ANKRD6: variants seen among roughly 807,000 people sequenced by gnomAD.
ANKRD6 encodes ankyrin repeat domain-containing protein 6.
ANKRD6 carries 56 observed loss-of-function variants against 82.3 expected under a neutral mutation model. The observed-to-expected ratio is 0.68, with a 90% CI of 0.55 to 0.85. The LOEUF is 0.85. Among genes scored for constraint, ANKRD6 ranks in the 40% least tolerant of loss-of-function variants. The probability of loss-of-function intolerance (pLI) is 0.00; values close to 1 mark genes in which losing one functional copy is unlikely to be tolerated. For synonymous variants in ANKRD6, 347 were observed against 352.1 expected (o/e 0.99, Z 0.16); for missense variants, 852 against 907.6 (o/e 0.94, Z 0.79).
chr6:89,560,771 C>G (rs796493353), intron 1 of ANKRD6: 5 of 141,938 alleles, frequency 3.5e-5, no homozygotes, highest in African/African-American at 9.8e-5. Context: ...TGCAGTGAGC[C>G]GAGATTGCGC....
At chr6:89,452,237 A>T (rs1772922598) in intron 1 of ANKRD6, among the ~76,000 whole-genome samples, 1 of 152,206 alleles carries the variant, frequency 6.6e-6, no homozygotes, top group Admixed American at 6.5e-5. Flanking sequence ...AGTAAATCGG[A>T]TGGAGTTAAT....
chr6:89,576,683 C>T (rs777791010), intron 2 of ANKRD6, among the ~76,000 whole-genome samples: 1 of 152,160 alleles, frequency 6.6e-6, no homozygotes, highest in Non-Finnish European at 1.5e-5. Flanking sequence ...TGCCTGCACT[C>T]CTATCCCTGA....
At chr6:89,540,085 A>G (rs117562849) in intron 1 of ANKRD6, among the ~76,000 whole-genome samples, 14,782 of 152,208 alleles carry the variant, frequency 0.097, 957 homozygotes, top group South Asian at 0.2. Context: ...ACAGTGCTGC[A>G]ACAAGCATAG....
At chr6:89,527,397 C>G (rs1419321941) in intron 1 of ANKRD6, among the ~76,000 whole-genome samples, 1 of 151,822 alleles carries the variant, frequency 6.6e-6, no homozygotes, top group Non-Finnish European at 1.5e-5. Context: ...AATTCGAGAC[C>G]AGCCTGGCCA....
In ANKRD6 at chr6:89,434,345, G is replaced by A. The variant is rs148162014; in HGVS notation, c.-144+970G>A. On this transcript the variant is annotated intron_variant, in intron 1 of 15. Coordinates refer to ENST00000339746, the MANE Select transcript of ANKRD6 (RefSeq NM_001242809.2). ...CCTGTTGGATGTTGAATTCATTCAT[G>A]CTTAGGTTCTGTTAGGCCAGTGTAA... Among the ~76,000 whole-genome samples the A allele has an allele frequency of 2.8e-3, 419 of 152,328 alleles. 1 individual carries two copies. The highest frequency in any genetic ancestry group is 5.6e-3 in the Admixed American group (85 of 15,310).
At chr6:89,473,442 T>G (rs1387099350) in intron 1 of ANKRD6, among the ~76,000 whole-genome samples, 7 of 151,916 alleles carry the variant, frequency 4.6e-5, no homozygotes, top group Non-Finnish European at 7.4e-5. Flanking sequence ...TAATTTTTAC[T>G]CTAAAGGTGT....
intron 1 of ANKRD6, among the ~76,000 whole-genome samples, chr6:89,436,199 C>T (rs1562495884): frequency 6.6e-6 from 1 of 152,092 alleles, no homozygotes; most frequent in Non-Finnish European, 1.5e-5. Flanking sequence ...AATTACTAAC[C>T]GTATGTGTGT....
intron 2 of ANKRD6, chr6:89,568,204 T>A (rs1361562754): frequency 1.3e-5 from 2 of 152,208 alleles, no homozygotes; most frequent in African/African-American, 4.8e-5. Context: ...CAATCACAAA[T>A]GGGAGAGAGT....
At chr6:89,513,448 T>G (rs73490511) in intron 1 of ANKRD6, among the ~76,000 whole-genome samples, 3,543 of 152,292 alleles carry the variant, frequency 0.023, 65 homozygotes, top group African/African-American at 0.052. Flanking sequence ...TGTTCTGAAT[T>G]CTATATAAGG....
In ANKRD6 at chr6:89,622,036, AGTCCTCCCGCC is replaced by A. The variant is rs1489242120; in HGVS notation, c.897+15_897+25del. The A allele has an allele frequency of 6.2e-7, 1 of 1,609,550 alleles. No individual in the cohort carries two copies. Among genetic ancestry groups the A allele is most frequent in the East Asian group, 2.2e-5 (1 of 44,864 alleles). ...GGTGGCCCAAAGCAAGGTGGGGGGC[AGTCCTCCCGCC>A]GTCCCCACATCCACCCATGCTCAGA... On this transcript the variant is annotated intron_variant, in intron 10 of 15. Transcript: ENST00000339746.
chr6:89,437,270 C>T (rs956266547), intron 1 of ANKRD6, among the ~76,000 whole-genome samples: 1 of 152,162 alleles, frequency 6.6e-6, no homozygotes, highest in Non-Finnish European at 1.5e-5. Flanking sequence ...ATCTTTCCCC[C>T]ACCAGTTACA....
At chr6:89,459,048 A>G (rs1773811225) in intron 1 of ANKRD6, among the ~76,000 whole-genome samples, 2 of 151,868 alleles carry the variant, frequency 1.3e-5, no homozygotes, top group South Asian at 4.2e-4. Flanking sequence ...TTCAGAGTTC[A>G]CCTTTTTTTT....
chr6:89,575,600 T>TA (rs901289177), intron 2 of ANKRD6, among the ~76,000 whole-genome samples: 10 of 151,596 alleles, frequency 6.6e-5, no homozygotes, highest in East Asian at 3.9e-4. Flanking sequence ...GTACTTTACT[T>TA]AAAAAAAAAT....
At chr6:89,616,364 A>G in intron 7 of ANKRD6, 195 bp from the exon 8 acceptor site, 2 of 581,682 alleles carry the variant, frequency 3.4e-6, no homozygotes, top group Non-Finnish European at 3.1e-6. Context: ...AAGAAAGGTG[A>G]TATTGGTGCC....
At position 89,524,247 on chromosome 6, in the gene ANKRD6, G is replaced by A. The variant is rs372679472; in HGVS notation, c.-143-42587G>A. Among the ~76,000 whole-genome samples the A allele has an allele frequency of 4.5e-4, 69 of 151,930 alleles. No homozygotes were observed. In the South Asian group the frequency reaches 0.011, roughly 25 times the overall value. ...TGATCCCTGAAATTTTGATGCACCC[G>A]TCACCCAAGCAGTATACACTGTACC... On this transcript the variant is annotated intron_variant, in intron 1 of 15. Transcript: ENST00000339746.
intron 2 of ANKRD6, among the ~76,000 whole-genome samples, chr6:89,576,740 A>G (rs575724382): frequency 6.6e-6 from 1 of 151,916 alleles, no homozygotes; most frequent in African/African-American, 2.4e-5. Flanking sequence ...TTCCTCCCCA[A>G]GGTGCCTTCT....
chr6:89,616,752 C>T (rs11965767), intron 8 of ANKRD6, 95 bp downstream of exon 8: 108,163 of 1,218,210 alleles, frequency 0.089, 5,400 homozygotes, highest in Admixed American at 0.14. Flanking sequence ...AGGCCCAGCG[C>T]ACTCTGGAAG....
intron 1 of ANKRD6, among the ~76,000 whole-genome samples, chr6:89,546,826 C>G (rs534590317): frequency 2.0e-5 from 3 of 152,208 alleles, no homozygotes; most frequent in African/African-American, 7.2e-5. Flanking sequence ...GGGGAGATGT[C>G]CCTGTTTCAT....
At chr6:89,449,029 CAAAAAA>C (rs368751340) in intron 1 of ANKRD6, among the ~76,000 whole-genome samples, 1 of 52,422 alleles carries the variant, frequency 1.9e-5, no homozygotes, top group African/African-American at 6.6e-5. Flanking sequence ...GACTCCGTCT[CAAAAAA>C]AAAAAAAAAA....
Sources: allele counts gnomAD v4.1 joint callset (sites outside exome capture counted in the v4.1 genomes callset), GRCh38; gene constraint gnomAD v4.1.1; transcripts MANE v1.5; gene names NCBI Gene and HGNC (gene_info 2026-07-23, HGNC 2026-07-21).